DOCK2: variants seen among roughly 807,000 people sequenced by gnomAD.
DOCK2 encodes dedicator of cytokinesis protein 2.
DOCK2 carries 87 observed loss-of-function variants against 248.9 expected under a neutral mutation model. The observed-to-expected ratio is 0.35, with a 90% CI of 0.29 to 0.42. DOCK2 has a LOEUF of 0.42. DOCK2 is among the 10% of genes least tolerant of loss of function. The probability of loss-of-function intolerance (pLI) is 1.00; values close to 1 mark genes in which losing one functional copy is unlikely to be tolerated. For synonymous variants in DOCK2, 805 were observed against 821.6 expected (o/e 0.98, Z 0.35); for missense variants, 1,747 against 2,300.2 (o/e 0.76, Z 4.92).
chr5:169,684,910 A>C (rs1759874696), intron 8 of DOCK2, among the ~76,000 whole-genome samples: 1 of 152,180 alleles, frequency 6.6e-6, no homozygotes, highest in South Asian at 2.1e-4. Flanking sequence ...TGGCTTCCCA[A>C]AGTGCTGGGA....
chr5:170,076,149 G>A (rs1020094102), intron 47 of DOCK2, 65 bp downstream of exon 47: 6 of 1,573,398 alleles, frequency 3.8e-6, no homozygotes, highest in Non-Finnish European at 5.2e-6. Context: ...AAGCATGCTG[G>A]AGGCTGAAGT....
At chr5:169,682,801 C>T (rs1163167424) in intron 7 of DOCK2, among the ~76,000 whole-genome samples, 1 of 152,132 alleles carries the variant, frequency 6.6e-6, no homozygotes, top group Non-Finnish European at 1.5e-5. Flanking sequence ...TTTCTTTGTG[C>T]TCCTTCTCCA....
chr5:169,757,547 A>C (rs556505813), intron 23 of DOCK2, among the ~76,000 whole-genome samples: 2 of 152,338 alleles, frequency 1.3e-5, no homozygotes, highest in Admixed American at 6.5e-5. Context: ...CATTTAAAAG[A>C]ATAAAGAATA....
intron 23 of DOCK2, among the ~76,000 whole-genome samples, chr5:169,751,915 A>C (rs1763914582): frequency 6.6e-6 from 1 of 152,228 alleles, no homozygotes. Flanking sequence ...AAAGTTAAAT[A>C]GTTCATCCCA....
chr5:169,883,342 C>T, intron 27 of DOCK2: 1 of 1,551,642 alleles, frequency 6.4e-7, no homozygotes, highest in Non-Finnish European at 8.7e-7. Context: ...TGCTTCCAAG[C>T]ATATGCTAAC....
chr5:169,698,600 G>A (rs934890683), intron 11 of DOCK2, 151 bp downstream of exon 11: 2 of 749,538 alleles, frequency 2.7e-6, no homozygotes, highest in South Asian at 1.7e-5. Flanking sequence ...CTGGCTCAGT[G>A]CCCAGGCACT....
chr5:169,867,428 T>C (rs1474372341), intron 27 of DOCK2, among the ~76,000 whole-genome samples: 7 of 149,540 alleles, frequency 4.7e-5, no homozygotes, highest in Non-Finnish European at 8.9e-5. Flanking sequence ...TGTCTGTCTG[T>C]CTGTCTGTCT....
rs180675824 is a variant in DOCK2, at chr5:169,670,142, G to A, written c.169-400G>A. On this transcript the variant is annotated intron_variant, in intron 3 of 51. Transcript: ENST00000520908. ...TGACTGTGAAGGGTGACCGCTTTCCGGAATCGGGCAGGCAATGGGAGAAGC... is the reference window on the plus strand; with the variant it reads ...TGACTGTGAAGGGTGACCGCTTTCCAGAATCGGGCAGGCAATGGGAGAAGC... 1.2e-4 allele frequency among the ~76,000 whole-genome samples: 19 copies of A among 152,290 alleles called. No homozygotes were observed. In the East Asian group the frequency reaches 2.1e-3, roughly 17 times the overall value.
chr5:169,799,043 A>G (rs989510633), intron 25 of DOCK2, among the ~76,000 whole-genome samples: 4 of 152,146 alleles, frequency 2.6e-5, no homozygotes, highest in South Asian at 2.1e-4. Flanking sequence ...GCAGAATCCA[A>G]ATACGTTATG....
At chr5:169,979,778 A>G (rs913591337) in intron 27 of DOCK2, among the ~76,000 whole-genome samples, 15 of 152,230 alleles carry the variant, frequency 9.9e-5, no homozygotes, top group African/African-American at 3.6e-4. Context: ...AGAACTAAGA[A>G]ATTAACAAGC....
At chr5:169,850,244 C>T (rs1770553854) in intron 27 of DOCK2, among the ~76,000 whole-genome samples, 1 of 152,180 alleles carries the variant, frequency 6.6e-6, no homozygotes, top group Non-Finnish European at 1.5e-5. Context: ...ACTGTCTCAT[C>T]TCAAAGAGGA....
intron 27 of DOCK2, among the ~76,000 whole-genome samples, chr5:169,892,139 A>C (rs1773332881): frequency 1.3e-5 from 2 of 152,194 alleles, no homozygotes; most frequent in Admixed American, 1.3e-4. Flanking sequence ...ATCCAAGCTT[A>C]AGCACAATTC....
intron 27 of DOCK2, among the ~76,000 whole-genome samples, chr5:169,871,506 T>A (rs2113459314): frequency 6.6e-6 from 1 of 152,336 alleles, no homozygotes; most frequent in Admixed American, 6.5e-5. Flanking sequence ...TAAATAATAT[T>A]ACCTTCATTT....
chr5:169,910,686 CT>C (rs1227457924), intron 27 of DOCK2, among the ~76,000 whole-genome samples: 1 of 152,226 alleles, frequency 6.6e-6, no homozygotes, highest in African/African-American at 2.4e-5. Context: ...TGTTACATCT[CT>C]AGCTACAAGA....
intron 27 of DOCK2, among the ~76,000 whole-genome samples, chr5:169,944,178 C>G (rs903435324): frequency 3.9e-5 from 6 of 152,158 alleles, no homozygotes; most frequent in Admixed American, 2.0e-4. Context: ...AGCTGCCACA[C>G]CAAAGGCCCT....
intron 33 of DOCK2, 94 bp from the exon 34 acceptor site, chr5:170,027,769 T>G (rs775253740): frequency 7.0e-6 from 8 of 1,146,298 alleles, no homozygotes; most frequent in Non-Finnish European, 8.8e-6. Flanking sequence ...AGATAAAGAG[T>G]GCTCCCTAAA....
chr5:170,065,953 G>GTTTTTTTTT (rs34658795), intron 44 of DOCK2, among the ~76,000 whole-genome samples: 1 of 133,398 alleles, frequency 7.5e-6, no homozygotes, highest in South Asian at 2.4e-4. Context: ...AATGAAAACT[G>GTTTTTTTTT]TTTTTTTTTT....
At chr5:169,654,887 C>T (rs1758016965) in intron 2 of DOCK2, among the ~76,000 whole-genome samples, 1 of 152,222 alleles carries the variant, frequency 6.6e-6, no homozygotes, top group African/African-American at 2.4e-5. Flanking sequence ...TGTTTGTTTA[C>T]TGCATGAAGG....
intron 27 of DOCK2, among the ~76,000 whole-genome samples, chr5:169,936,152 A>G (rs1775983185): frequency 2.0e-5 from 3 of 152,192 alleles, no homozygotes; most frequent in Admixed American, 6.5e-5. Context: ...GAGATGGAGA[A>G]CAAAATCAAC....
Sources: allele counts gnomAD v4.1 joint callset (sites outside exome capture counted in the v4.1 genomes callset), GRCh38; gene constraint gnomAD v4.1.1; transcripts MANE v1.5; gene names NCBI Gene and HGNC (gene_info 2026-07-23, HGNC 2026-07-21).